ISLR2: variants seen among roughly 807,000 people sequenced by gnomAD.
ISLR2 encodes immunoglobulin superfamily containing leucine-rich repeat protein 2.
Under a neutral mutation model 25.5 loss-of-function variants are expected in ISLR2, and 16 were observed. That is an observed-to-expected ratio of 0.63 (90% CI 0.43 to 0.95). The LOEUF (loss-of-function observed/expected upper bound fraction) is 0.95. Among genes scored for constraint, ISLR2 ranks in the 40% least tolerant of loss-of-function variants. The pLI is 0.00. For missense variants in ISLR2, 883 were observed against 1,030.7 expected, an observed-to-expected ratio of 0.86 and a Z score of 1.96; for synonymous variants, 508 against 486.6, an observed-to-expected ratio of 1.04 and a Z score of -0.58.
At chr15:74,137,743 T>G (rs921273229), downstream of ISLR2, among the ~76,000 whole-genome samples, 1 of 152,120 alleles carries the variant, frequency 6.6e-6, no homozygotes, top group African/African-American at 2.4e-5. Flanking sequence ...CCCTTCTTCC[T>G]GCTTCCAATT....
intron 2 of ISLR2, among the ~76,000 whole-genome samples, chr15:74,115,527 T>C (rs1449576592): frequency 6.6e-6 from 1 of 151,986 alleles, no homozygotes; most frequent in Non-Finnish European, 1.5e-5. Context: ...AAATCCTGTC[T>C]CTACTAAAAA....
intron 2 of ISLR2, among the ~76,000 whole-genome samples, chr15:74,108,969 C>T (rs1272877074): frequency 6.6e-6 from 1 of 152,192 alleles, no homozygotes; most frequent in African/African-American, 2.4e-5. Flanking sequence ...GGCTTCCTGA[C>T]TCTGCCAACA....
At position 74,134,821 on chromosome 15, in the gene ISLR2, C is replaced by T; in HGVS notation, c.2067C>T (p.Asp689=). The part of the protein sequence containing the change: ...EDAEQGDPSG[D]LQREESLAAC... ...CGGAGCAGGGAGACCCAAGTGGGGA[C>T]CTGCAGAGAGAGGAGAGCCTGGCGG... Residue 689 remains aspartate, a synonymous_variant, in exon 3 of 3, where the codon GAC becomes GAT. Transcript: ENST00000453268. 2 of 1,614,124 alleles carry T rather than the reference C, an allele frequency of 1.2e-6. No individual in the cohort carries two copies. The highest frequency in any genetic ancestry group is 1.7e-6 in the Non-Finnish European group (2 of 1,180,014).
In ISLR2 at chr15:74,133,535, A is replaced by G. The variant is rs2072480374; in HGVS notation, c.781A>G (p.Ile261Val). The change falls in exon 3 of 3, where the codon ATC (isoleucine) becomes GTC (valine). Residue 261 changes from isoleucine to valine, a missense_variant. Physicochemically the swap from Ile to Val is conservative, Grantham distance 29. Around this residue, in one of 2 missense-constraint regions of ISLR2, gnomAD observed 271 missense variants for 387.9 expected, o/e 0.70. Coordinates refer to ENST00000453268, the MANE Select transcript of ISLR2 (RefSeq NM_020851.3). ...RAGLAFVLHCIADGHPTPRLQ... is the reference protein window; with the variant it reads ...RAGLAFVLHCVADGHPTPRLQ... ...AGGACTGGCGTTCGTGTTACACTGC[A>G]TCGCCGACGGCCACCCTACGCCTCG... 6.2e-7 allele frequency: 1 copy of G among 1,614,018 alleles called. No individual in the cohort carries two copies. Among genetic ancestry groups the G allele is most frequent in the South Asian group, 1.1e-5 (1 of 91,094 alleles).
At position 74,133,279 on chromosome 15, in the gene ISLR2, C is replaced by A; in HGVS notation, c.525C>A (p.His175Gln). 6.2e-7 allele frequency: 1 copy of A among 1,611,280 alleles called. No homozygotes were observed. The highest frequency in any genetic ancestry group is 8.5e-7 in the Non-Finnish European group (1 of 1,179,990). ...TCGACGCGCTTAGCGCGCTGTCACA[C>A]TTGCAACTCTATCACAATCCCTTCC... ...GTFDALSALS[H>Q]LQLYHNPFHC... is the part of the protein sequence containing the mutation. Residue 175 changes from histidine to glutamine, a missense_variant, in exon 3 of 3, where the codon CAC (histidine) becomes CAA (glutamine). His to Gln is a conservative substitution (Grantham distance 24). Around this residue, in one of 2 missense-constraint regions of ISLR2, gnomAD observed 271 missense variants for 387.9 expected, o/e 0.70. Transcript: ENST00000453268.
chr15:74,136,670 G>T lies in ISLR2; in HGVS notation c.*1678G>T, dbSNP rs1567166412. 6.0e-6 allele frequency: 1 copy of T among 165,784 alleles called. No individual in the cohort carries two copies. The allele number at this position is 165,784 out of a possible 1,614,324, so 10.3% of individuals were successfully genotyped here. A position where few individuals can be genotyped will look rare whatever the true frequency, so the allele number is the denominator to read the frequency against. Reference sequence around the variant, plus strand: ...GAAAGCGTCGGGGTTGGGGTGGGGGGAGTTTCAGTCCTCGGGATCAGCCCT... The same window carrying T: ...GAAAGCGTCGGGGTTGGGGTGGGGGTAGTTTCAGTCCTCGGGATCAGCCCT... On this transcript the variant is annotated 3_prime_UTR_variant, in exon 3 of 3. Coordinates refer to ENST00000453268, the MANE Select transcript of ISLR2 (RefSeq NM_020851.3).
upstream of ISLR2, among the ~76,000 whole-genome samples, chr15:74,124,383 G>C (rs2072275275): frequency 6.6e-6 from 1 of 152,042 alleles, no homozygotes; most frequent in African/African-American, 2.4e-5. Context: ...ACAGTCCTAT[G>C]ACAATAGGTG....
intron 2 of ISLR2, among the ~76,000 whole-genome samples, chr15:74,113,115 C>G (rs1294709437): frequency 6.6e-6 from 1 of 152,204 alleles, no homozygotes; most frequent in African/African-American, 2.4e-5. Flanking sequence ...ACCTAGATTC[C>G]TCACATGTGC....
intron 2 of ISLR2, among the ~76,000 whole-genome samples, chr15:74,105,732 G>A (rs1275327950): frequency 2.0e-5 from 3 of 152,032 alleles, no homozygotes; most frequent in Non-Finnish European, 4.4e-5. Flanking sequence ...ACCAGAATGT[G>A]CAAAGCCTGC....
In ISLR2 at chr15:74,134,060, G is replaced by A. The variant is rs746121919; in HGVS notation, c.1306G>A (p.Glu436Lys). The A allele has an allele frequency of 8.7e-6, 14 of 1,613,646 alleles. No individual in the cohort carries two copies. The highest frequency in any genetic ancestry group is 2.7e-5 in the African/African-American group (2 of 74,946). Residue 436 changes from glutamate (E) to lysine (K), a missense_variant, in exon 3 of 3, where the codon GAG becomes AAG. Physicochemically the swap from Glu to Lys is moderately conservative, Grantham distance 56. Transcript: ENST00000453268. ...TCTCGGGGAGACCGAGACGGAGCCG[G>A]AGGAGGACACAAGTGAGGGAGAGGA... ...SILGETETEP[E>K]EDTSEGEEAE... is the part of the protein sequence containing the mutation.
At chr15:74,109,820 G>C (rs12439091) in intron 2 of ISLR2, among the ~76,000 whole-genome samples, 1 of 152,012 alleles carries the variant, frequency 6.6e-6, no homozygotes, top group African/African-American at 2.4e-5. Flanking sequence ...ATTTAACGCA[G>C]GGTTTTGCTC....
chr15:74,131,102 G>A (rs1483693273), intron 1 of ISLR2, 105 bp from the exon 2 acceptor site: 3 of 152,672 alleles, frequency 2.0e-5, no homozygotes, highest in African/African-American at 7.2e-5. Context: ...AGAGAGGTGG[G>A]GGAAACGGAC....
intron 2 of ISLR2, among the ~76,000 whole-genome samples, chr15:74,119,604 G>A (rs1443083458): frequency 6.6e-6 from 1 of 152,022 alleles, no homozygotes; most frequent in East Asian, 1.9e-4. Flanking sequence ...GATCTTAAAT[G>A]TTCTTACCAC....
rs1218133945 is a variant in ISLR2 at position 74,133,898 on chromosome 15, C to G, written c.1144C>G (p.Pro382Ala). The change falls in exon 3 of 3, where the codon CCT (proline) becomes GCT (alanine). Residue 382 changes from proline to alanine, a missense_variant. By Grantham distance (27) the Pro-to-Ala change is conservative. Coordinates refer to ENST00000453268, the MANE Select transcript of ISLR2 (RefSeq NM_020851.3). Reference protein sequence around the residue: ...VAATGPPKHAPGAGGEPDGQA... With the variant: ...VAATGPPKHAAGAGGEPDGQA... ...AGCAACCGGGCCCCCAAAACACGCG[C>G]CTGGCGCCGGGGGAGAACCCGACGG... The G allele has an allele frequency of 1.2e-6, 2 of 1,606,346 alleles. No individual in the cohort carries two copies. Among genetic ancestry groups the G allele is most frequent in the Non-Finnish European group, 1.7e-6 (2 of 1,176,732 alleles).
At chr15:74,103,974 C>A (rs1224119031) in intron 2 of ISLR2, 2 of 152,192 alleles carry the variant, frequency 1.3e-5, no homozygotes, top group Non-Finnish European at 2.9e-5. Context: ...AACCTCTTTT[C>A]TTTATAAATT....
At chr15:74,111,878 A>G (rs2072171085) in intron 2 of ISLR2, among the ~76,000 whole-genome samples, 1 of 152,202 alleles carries the variant, frequency 6.6e-6, no homozygotes, top group Admixed American at 6.5e-5. Flanking sequence ...GTGGTGGTAG[A>G]ACAGCTCTGT....
upstream of ISLR2, chr15:74,127,951 G>T (rs150608286): frequency 9.9e-5 from 16 of 161,086 alleles, no homozygotes; most frequent in Non-Finnish European, 2.0e-4. Context: ...CTGAATCTGG[G>T]ACCCTCTGCG....
intron 2 of ISLR2, among the ~76,000 whole-genome samples, chr15:74,118,146 C>A (rs1213857861): frequency 6.6e-6 from 1 of 151,938 alleles, no homozygotes; most frequent in Non-Finnish European, 1.5e-5. Context: ...GGAAAGAGTA[C>A]AAAAGAGAGA....
At chr15:74,120,873 A>G (rs2072247742) in intron 2 of ISLR2, among the ~76,000 whole-genome samples, 1 of 152,194 alleles carries the variant, frequency 6.6e-6, no homozygotes, top group Admixed American at 6.5e-5. Context: ...CTAGACCAGA[A>G]GGCATTGTGC....
Sources: allele counts gnomAD v4.1 joint callset (sites outside exome capture counted in the v4.1 genomes callset), GRCh38; gene constraint gnomAD v4.1.1; regional missense constraint gnomAD v4.1.1; transcripts MANE v1.5; gene names NCBI Gene and HGNC (gene_info 2026-07-23, HGNC 2026-07-21).